The following TMEM178B variants were observed in gnomAD, a reference collection of about 807,000 sequenced individuals.
TMEM178B encodes the protein transmembrane protein 178B.
A neutral mutation model predicts 31.0 loss-of-function variants in TMEM178B; 5 were observed. The observed-to-expected ratio is 0.16, with a 90% CI of 0.08 to 0.34. The LOEUF (loss-of-function observed/expected upper bound fraction) is 0.34, where lower values mean the gene tolerates loss of function less well. TMEM178B is among the 10% of genes least tolerant of loss of function. The probability of loss-of-function intolerance (pLI) is 1.00; values close to 1 mark genes in which losing one functional copy is unlikely to be tolerated. For missense variants in TMEM178B, 275 were observed against 400.3 expected, an observed-to-expected ratio of 0.69 and a Z score of 2.67; for synonymous variants, 164 against 164.0, an observed-to-expected ratio of 1.00 and a Z score of 0.00.
At chr7:141,180,913 A>G (rs1471666024) in intron 1 of TMEM178B, among the ~76,000 whole-genome samples, 2 of 152,098 alleles carry the variant, frequency 1.3e-5, no homozygotes, top group African/African-American at 4.8e-5. Context: ...TGTTGTTTCT[A>G]AATCCCATTT....
intron 2 of TMEM178B, among the ~76,000 whole-genome samples, chr7:141,308,759 T>G (rs533526951): frequency 4.4e-4 from 67 of 152,126 alleles, no homozygotes; most frequent in Non-Finnish European, 8.4e-4. Context: ...AAAACTGAGT[T>G]CCAAAGAGGC....
At chr7:141,167,820 C>T (rs773978029) in intron 1 of TMEM178B, among the ~76,000 whole-genome samples, 3 of 152,246 alleles carry the variant, frequency 2.0e-5, no homozygotes, top group Non-Finnish European at 2.9e-5. Context: ...AATTTGCCAG[C>T]AATCTGAGAA....
chr7:141,097,916 C>A (rs1477044331), intron 1 of TMEM178B, among the ~76,000 whole-genome samples: 4 of 151,628 alleles, frequency 2.6e-5, no homozygotes, highest in Non-Finnish European at 4.4e-5. Flanking sequence ...CTCAGCCCAC[C>A]AAGTAGCTGG....
intron 1 of TMEM178B, among the ~76,000 whole-genome samples, chr7:141,098,776 C>T (rs1795005821): frequency 6.6e-6 from 1 of 152,134 alleles, no homozygotes; most frequent in Non-Finnish European, 1.5e-5. Context: ...AGGCCATTTC[C>T]ATGTGCGTAT....
chr7:141,193,235 G>A (rs1163162311), intron 1 of TMEM178B, among the ~76,000 whole-genome samples: 1 of 152,224 alleles, frequency 6.6e-6, no homozygotes, highest in African/African-American at 2.4e-5. Context: ...CCAGGCTCGT[G>A]CAGCACCAGT....
At chr7:141,129,046 C>G (rs1795552714) in intron 1 of TMEM178B, among the ~76,000 whole-genome samples, 1 of 152,074 alleles carries the variant, frequency 6.6e-6, no homozygotes, top group East Asian at 1.9e-4. Context: ...CCTGCAAGAC[C>G]CTGTGGTCAC....
chr7:141,153,805 T>G (rs1199170142), intron 1 of TMEM178B, among the ~76,000 whole-genome samples: 1 of 152,230 alleles, frequency 6.6e-6, no homozygotes, highest in African/African-American at 2.4e-5. Context: ...GACATAAGCA[T>G]TTTGTCCTAT....
At chr7:141,076,028 G>C (rs1375003019) in intron 1 of TMEM178B, among the ~76,000 whole-genome samples, 1 of 152,164 alleles carries the variant, frequency 6.6e-6, no homozygotes, top group Admixed American at 6.5e-5. Context: ...TTGTTTTATA[G>C]CTTCTTTAGA....
intron 2 of TMEM178B, among the ~76,000 whole-genome samples, chr7:141,289,682 T>G (rs1199253348): frequency 7.5e-6 from 1 of 132,948 alleles, no homozygotes; most frequent in Non-Finnish European, 1.5e-5. Context: ...ACCACTGCAC[T>G]CCAGCATGGG....
chr7:141,375,893 A>C (rs1800204070), intron 2 of TMEM178B, among the ~76,000 whole-genome samples: 1 of 152,216 alleles, frequency 6.6e-6, no homozygotes, highest in Non-Finnish European at 1.5e-5. Flanking sequence ...AGAAGGAGAC[A>C]GGCCTCTTGG....
At chr7:141,221,402 G>A (rs1797254267) in intron 2 of TMEM178B, among the ~76,000 whole-genome samples, 1 of 143,638 alleles carries the variant, frequency 7.0e-6, no homozygotes, top group African/African-American at 2.8e-5. Flanking sequence ...GGTAAGACAT[G>A]GATGTCAGAG....
chr7:141,153,578 A>G (rs761574760), intron 1 of TMEM178B, among the ~76,000 whole-genome samples: 7 of 152,222 alleles, frequency 4.6e-5, no homozygotes, highest in Non-Finnish European at 1.0e-4. Flanking sequence ...TTACTTTCCC[A>G]CTAGCAGAGT....
At chr7:141,079,816 G>A (rs1050925589) in intron 1 of TMEM178B, among the ~76,000 whole-genome samples, 5 of 152,110 alleles carry the variant, frequency 3.3e-5, no homozygotes, top group African/African-American at 1.2e-4. Context: ...ACCCTAGGAA[G>A]TATAAGTATT....
chr7:141,462,103 A>G (rs1257933406), intron 3 of TMEM178B, among the ~76,000 whole-genome samples: 3 of 152,164 alleles, frequency 2.0e-5, no homozygotes, highest in South Asian at 4.1e-4. Flanking sequence ...TTGGCCCCAG[A>G]GTAGAAAGCG....
rs1226940434 is a variant in TMEM178B, at chr7:141,472,845, G to A, written c.*2059G>A. ...GATATGACATCTGATGTGCATGAAT[G>A]GGGTTGAATGTGGATCTCTCTGTAT... On this transcript the variant is annotated 3_prime_UTR_variant, in exon 4 of 4. Coordinates refer to ENST00000565468, the MANE Select transcript of TMEM178B (RefSeq NM_001195278.2). 6.6e-6 allele frequency: 1 copy of A among 152,156 alleles called. No homozygotes were observed. The highest frequency in any genetic ancestry group is 1.5e-5 in the Non-Finnish European group (1 of 68,060). 9.4% of individuals were successfully genotyped at this position (152,156 alleles called of 1,614,324 possible). A position where few individuals can be genotyped will look rare whatever the true frequency, so the allele number is the denominator to read the frequency against.
At chr7:141,109,793 G>T (rs1333526503) in intron 1 of TMEM178B, among the ~76,000 whole-genome samples, 1 of 152,094 alleles carries the variant, frequency 6.6e-6, no homozygotes. Flanking sequence ...ACTGACTGTT[G>T]GGCTGGATGT....
intron 2 of TMEM178B, among the ~76,000 whole-genome samples, chr7:141,230,733 C>G (rs143353836): frequency 2.0e-5 from 3 of 152,196 alleles, no homozygotes. Context: ...AAGTTCTGAG[C>G]TTAAGCAATC....
chr7:141,195,437 CAT>C (rs1269675589), intron 1 of TMEM178B, among the ~76,000 whole-genome samples: 1 of 152,240 alleles, frequency 6.6e-6, no homozygotes, highest in Non-Finnish European at 1.5e-5. Context: ...TTTGCTAAAA[CAT>C]AACAGGAGTC....
rs183387759 is a variant in TMEM178B, at chr7:141,303,534, A to G, written c.496+90830A>G. On this transcript the variant is annotated intron_variant, in intron 2 of 3. Transcript: ENST00000565468. The stretch of plus-strand genomic sequence containing the variant: ...CCCAAACCTGACGAGCTGCGTGCTC[A>G]TGAGAGGAGCGCCATGCTCAGCTGT... Among the ~76,000 whole-genome samples the G allele has an allele frequency of 8.5e-5, 13 of 152,322 alleles. No individual in the cohort carries two copies. In the East Asian group the frequency reaches 2.3e-3, roughly 27 times the overall value.
Sources: gnomAD v4.1 joint callset for allele counts (sites outside exome capture counted in the v4.1 genomes callset) on GRCh38, gnomAD v4.1.1 for gene constraint, MANE v1.5 for transcripts, NCBI Gene and HGNC (gene_info 2026-07-23, HGNC 2026-07-21) for gene names.